The following GNAQ variants were observed in gnomAD, a reference collection of about 807,000 sequenced individuals.
GNAQ encodes the protein guanine nucleotide-binding protein G(q) subunit alpha.
Under a neutral mutation model 43.9 loss-of-function variants are expected in GNAQ, and 8 were observed. The ratio of observed to expected loss-of-function variants is 0.18; its 90% CI spans 0.11 to 0.33. The LOEUF (loss-of-function observed/expected upper bound fraction) is 0.33. Among genes scored for constraint, GNAQ ranks in the 10% least tolerant of loss-of-function variants. The pLI is 1.00. For synonymous variants in GNAQ, 155 were observed against 170.7 expected (o/e 0.91, Z 0.71); for missense variants, 158 against 450.8 (o/e 0.35, Z 5.88).
intron 1 of GNAQ, among the ~76,000 whole-genome samples, chr9:77,977,545 C>T (rs1282845963): frequency 6.6e-6 from 1 of 152,146 alleles, no homozygotes; most frequent in Non-Finnish European, 1.5e-5. Flanking sequence ...CAGGAAGTTC[C>T]TGGGAGGAAG....
chr9:77,745,073 GA>G (rs373573861), intron 5 of GNAQ, among the ~76,000 whole-genome samples: 1 of 152,178 alleles, frequency 6.6e-6, no homozygotes, highest in African/African-American at 2.4e-5. Flanking sequence ...ATAGGCTCTG[GA>G]AACATTCAAG....
intron 6 of GNAQ, 115 bp from the exon 7 acceptor site, chr9:77,721,628 G>A (rs1316286222): frequency 2.2e-5 from 15 of 686,718 alleles, no homozygotes; most frequent in Non-Finnish European, 5.0e-6. Flanking sequence ...CTGCACTGCA[G>A]ATTTGATCTG....
chr9:77,896,264 C>G (rs1828501322), intron 2 of GNAQ, among the ~76,000 whole-genome samples: 1 of 152,114 alleles, frequency 6.6e-6, no homozygotes. Flanking sequence ...TAGCTATTTC[C>G]TTCTAGAACT....
At chr9:77,764,831 A>G (rs1005113993) in intron 5 of GNAQ, among the ~76,000 whole-genome samples, 1 of 152,164 alleles carries the variant, frequency 6.6e-6, no homozygotes, top group Non-Finnish European at 1.5e-5. Flanking sequence ...CCTGCATCAA[A>G]TCCTGGCTTC....
intron 1 of GNAQ, among the ~76,000 whole-genome samples, chr9:77,924,846 A>G (rs988221060): frequency 6.6e-6 from 1 of 152,090 alleles, no homozygotes; most frequent in African/African-American, 2.4e-5. Flanking sequence ...TCCTTTCTCA[A>G]CCATCTCATC....
chr9:78,025,511 T>C (rs916248673), intron 1 of GNAQ, among the ~76,000 whole-genome samples: 1 of 152,338 alleles, frequency 6.6e-6, no homozygotes, highest in Non-Finnish European at 1.5e-5. Flanking sequence ...GATCTTAACA[T>C]AACTTAAAAG....
intron 2 of GNAQ, among the ~76,000 whole-genome samples, chr9:77,876,657 G>A (rs1476787322): frequency 6.6e-6 from 1 of 152,132 alleles, no homozygotes; most frequent in Non-Finnish European, 1.5e-5. Context: ...GCTAAGCACT[G>A]GACATTAATT....
chr9:77,906,360 G>A (rs891759974), intron 2 of GNAQ, among the ~76,000 whole-genome samples: 8 of 152,154 alleles, frequency 5.3e-5, no homozygotes, highest in African/African-American at 1.9e-4. Flanking sequence ...AGTTGGTAAC[G>A]ACGTGGTAAA....
chr9:77,965,833 C>A (rs1823159201), intron 1 of GNAQ, among the ~76,000 whole-genome samples: 2 of 139,748 alleles, frequency 1.4e-5, no homozygotes, highest in Admixed American at 1.4e-4. Flanking sequence ...TGGATTTACT[C>A]CGAGCAAAAA....
intron 1 of GNAQ, among the ~76,000 whole-genome samples, chr9:77,932,442 G>A (rs544111920): frequency 2.0e-4 from 30 of 152,126 alleles, no homozygotes; most frequent in Non-Finnish European, 4.1e-4. Flanking sequence ...AGAATTAAAC[G>A]ACAATGAAAT....
chr9:77,729,710 C>T (rs908545026), intron 5 of GNAQ, among the ~76,000 whole-genome samples: 2 of 152,194 alleles, frequency 1.3e-5, no homozygotes, highest in African/African-American at 2.4e-5. Flanking sequence ...CACTTTCCAA[C>T]CTCCCTTCTT....
chr9:77,882,151 A>C (rs181895203), intron 2 of GNAQ, among the ~76,000 whole-genome samples: 34 of 152,274 alleles, frequency 2.2e-4, no homozygotes, highest in African/African-American at 8.2e-4. Context: ...CAAACAAACA[A>C]ACACAAACAA....
intron 5 of GNAQ, among the ~76,000 whole-genome samples, chr9:77,774,204 A>G (rs1023308655): frequency 6.6e-6 from 1 of 152,174 alleles, no homozygotes; most frequent in Admixed American, 6.5e-5. Context: ...GTGGAGATAA[A>G]TCTTGGTGTC....
At chr9:77,785,075 C>G (rs758033932) in intron 5 of GNAQ, among the ~76,000 whole-genome samples, 2 of 152,132 alleles carry the variant, frequency 1.3e-5, no homozygotes, top group Non-Finnish European at 2.9e-5. Context: ...ATGCCCTAAC[C>G]CCAGAACTTG....
chr9:77,729,832 C>T (rs1825460509), intron 5 of GNAQ, among the ~76,000 whole-genome samples: 1 of 152,188 alleles, frequency 6.6e-6, no homozygotes, highest in South Asian at 2.1e-4. Flanking sequence ...ATCCTAGTTT[C>T]CTGCCATGTG....
At chr9:78,015,243 C>T (rs1391035652) in intron 1 of GNAQ, among the ~76,000 whole-genome samples, 1 of 152,216 alleles carries the variant, frequency 6.6e-6, no homozygotes, top group Non-Finnish European at 1.5e-5. Flanking sequence ...GGTTTGCAGC[C>T]TGGGAACAAT....
At chr9:77,908,327 A>T (rs890910273) in intron 2 of GNAQ, among the ~76,000 whole-genome samples, 5 of 152,082 alleles carry the variant, frequency 3.3e-5, no homozygotes, top group Admixed American at 3.3e-4. Context: ...CTTAAATCCT[A>T]CCAGAGGCCA....
At chr9:78,022,447 C>T (rs1461059148) in intron 1 of GNAQ, among the ~76,000 whole-genome samples, 1 of 152,172 alleles carries the variant, frequency 6.6e-6, no homozygotes, top group Admixed American at 6.5e-5. Flanking sequence ...GAATACTTCA[C>T]CCCACTTTCA....
intron 3 of GNAQ, among the ~76,000 whole-genome samples, chr9:77,806,521 C>T (rs1340478375): frequency 2.0e-5 from 3 of 152,150 alleles, no homozygotes; most frequent in Admixed American, 6.5e-5. Flanking sequence ...AATTAAGAAA[C>T]AATTAAGTGC....
Sources: gnomAD v4.1 joint callset for allele counts (sites outside exome capture counted in the v4.1 genomes callset) on GRCh38, gnomAD v4.1.1 for gene constraint, MANE v1.5 for transcripts, NCBI Gene and HGNC (gene_info 2026-07-23, HGNC 2026-07-21) for gene names.